Variants in ANO10 observed in about 807,000 individuals in gnomAD.
The protein encoded by ANO10 is anoctamin 10.
A neutral mutation model predicts 74.7 loss-of-function variants in ANO10; 77 were observed. The ratio of observed to expected loss-of-function variants is 1.03; its 90% CI spans 0.86 to 1.25. ANO10 has a LOEUF of 1.25. Ranked by LOEUF, ANO10 falls within the 50% of genes most tolerant of loss-of-function variation. The probability of loss-of-function intolerance (pLI) is 0.00; values close to 1 mark genes in which losing one functional copy is unlikely to be tolerated. For synonymous variants in ANO10, 279 were observed against 284.9 expected (o/e 0.98, Z 0.21); for missense variants, 721 against 778.1 (o/e 0.93, Z 0.87).
chr3:43,394,075 T>C (rs1327576843), intron 12 of ANO10, among the ~76,000 whole-genome samples: 3 of 152,120 alleles, frequency 2.0e-5, no homozygotes, highest in African/African-American at 4.8e-5. Context: ...TGCATGAGAA[T>C]TGGGGGAAGT....
chr3:43,678,979 T>G (rs1229977895), intron 1 of ANO10, among the ~76,000 whole-genome samples: 1 of 152,220 alleles, frequency 6.6e-6, no homozygotes, highest in East Asian at 1.9e-4. Flanking sequence ...GATGGCTGAA[T>G]AGGAACAGCT....
intron 1 of ANO10, among the ~76,000 whole-genome samples, chr3:43,673,974 G>T (rs58260401): frequency 0.11 from 16,170 of 152,082 alleles, 1,250 homozygotes; most frequent in South Asian, 0.23. Context: ...AGTCACATAC[G>T]TCCAGAAAAG....
At chr3:43,401,229 G>C (rs1272840547) in intron 12 of ANO10, among the ~76,000 whole-genome samples, 1 of 152,134 alleles carries the variant, frequency 6.6e-6, no homozygotes, top group Non-Finnish European at 1.5e-5. Context: ...GGACGTGCTA[G>C]GGTGATGTAC....
intron 11 of ANO10, among the ~76,000 whole-genome samples, chr3:43,503,862 T>C (rs1279519637): frequency 6.6e-6 from 1 of 152,182 alleles, no homozygotes; most frequent in Non-Finnish European, 1.5e-5. Flanking sequence ...ATTTTTATGA[T>C]TTGAAGGCTG....
At chr3:43,673,163 G>A (rs2084080394) in intron 1 of ANO10, among the ~76,000 whole-genome samples, 1 of 152,176 alleles carries the variant, frequency 6.6e-6, no homozygotes, top group Admixed American at 6.5e-5. Context: ...CATCCCTGCA[G>A]AGCTAAGGCT....
At chr3:43,580,622 T>G (rs993045333) in intron 4 of ANO10, 150 bp from the exon 5 acceptor site, 2 of 939,100 alleles carry the variant, frequency 2.1e-6, no homozygotes, top group Non-Finnish European at 3.2e-6. Context: ...ATTCTTTCAT[T>G]TTTCAGAATG....
intron 1 of ANO10, among the ~76,000 whole-genome samples, chr3:43,612,143 TATATATATATATATA>T (rs2082856564): frequency 2.8e-4 from 4 of 14,480 alleles, no homozygotes; most frequent in African/African-American, 2.0e-3. Context: ...AAATATTTTA[TATATATATATATATA>T]TATATATATA....
chr3:43,633,895 A>C (rs1229276714), intron 1 of ANO10, among the ~76,000 whole-genome samples: 1 of 142,802 alleles, frequency 7.0e-6, no homozygotes, highest in Non-Finnish European at 1.5e-5. Flanking sequence ...CATCGTAGCT[A>C]AAAAAAAAAA....
Position 43,600,511 on chromosome 3 carries a change from A to G in ANO10, c.210T>C (p.Tyr70=), listed in dbSNP as rs765828261. ...EQETLENQNL[Y]LVGASKIRML... ...TTCTAATCTTGGAGGCACCAACAAG[A>G]TATAAGTTCTGATTTTCTAGTGTTT... Residue 70 remains tyrosine, a synonymous_variant, in exon 3 of 13, where the codon TAT becomes TAC. Coordinates refer to ENST00000292246, the MANE Select transcript of ANO10 (RefSeq NM_018075.5). The G allele has an allele frequency of 1.2e-6, 2 of 1,614,012 alleles. No individual in the cohort carries two copies. Among genetic ancestry groups the G allele is most frequent in the East Asian group, 2.2e-5 (1 of 44,862 alleles).
chr3:43,501,076 G>A (rs558036569), intron 11 of ANO10, among the ~76,000 whole-genome samples: 15 of 152,190 alleles, frequency 9.9e-5, no homozygotes, highest in Non-Finnish European at 1.9e-4. Flanking sequence ...CTGAGGCTGG[G>A]TAATCTATAA....
chr3:43,557,526 G>A (rs1416475891), intron 9 of ANO10, among the ~76,000 whole-genome samples: 2 of 151,584 alleles, frequency 1.3e-5, no homozygotes, highest in Admixed American at 6.6e-5. Flanking sequence ...ACGAGGTCAG[G>A]AGATTGAGAC....
intron 1 of ANO10, among the ~76,000 whole-genome samples, chr3:43,627,195 A>G (rs1252585454): frequency 6.6e-6 from 1 of 152,216 alleles, no homozygotes; most frequent in Non-Finnish European, 1.5e-5. Context: ...ACCACTTCCA[A>G]TACCAAACTT....
At chr3:43,475,353 C>T (rs2076025687) in intron 11 of ANO10, among the ~76,000 whole-genome samples, 1 of 151,964 alleles carries the variant, frequency 6.6e-6, no homozygotes, top group African/African-American at 2.4e-5. Flanking sequence ...TCAAGGTCTC[C>T]CCACCCAAAG....
chr3:43,413,612 A>T (rs373430299), intron 12 of ANO10, among the ~76,000 whole-genome samples: 1 of 148,904 alleles, frequency 6.7e-6, no homozygotes, highest in Non-Finnish European at 1.5e-5. Flanking sequence ...AGCCAATTAA[A>T]CCTCTTTTCT....
intron 1 of ANO10, among the ~76,000 whole-genome samples, chr3:43,665,666 C>T (rs916248003): frequency 6.6e-6 from 1 of 152,164 alleles, no homozygotes; most frequent in Non-Finnish European, 1.5e-5. Context: ...TTTCTAAAAA[C>T]ATATTGCTCC....
intron 4 of ANO10, among the ~76,000 whole-genome samples, chr3:43,584,752 GGTATCTACTTAATGAAAGC>G (rs1163424717): frequency 9.6e-4 from 146 of 152,182 alleles, no homozygotes; most frequent in African/African-American, 3.3e-3. Context: ...GACAAAACTT[GGTATCTACTTAATGAAAGC>G]GTTCTATCAA....
chr3:43,519,723 T>C (rs1027574344), intron 11 of ANO10, among the ~76,000 whole-genome samples: 3 of 152,178 alleles, frequency 2.0e-5, no homozygotes, highest in Admixed American at 2.0e-4. Context: ...GGAGAGATCA[T>C]CATGGTCTCG....
intron 10 of ANO10, among the ~76,000 whole-genome samples, chr3:43,554,186 CTTTTTTTT>C (rs58374632): frequency 7.8e-6 from 1 of 128,724 alleles, no homozygotes; most frequent in South Asian, 2.5e-4. Context: ...AGTGATTTTT[CTTTTTTTT>C]TTTTTTTTTC....
At chr3:43,650,055 C>A (rs2083771067) in intron 1 of ANO10, among the ~76,000 whole-genome samples, 1 of 152,212 alleles carries the variant, frequency 6.6e-6, no homozygotes, top group Non-Finnish European at 1.5e-5. Context: ...TTGCAAGCGT[C>A]TTTTTGCAGA....
Sources: allele counts gnomAD v4.1 joint callset (sites outside exome capture counted in the v4.1 genomes callset), GRCh38; gene constraint gnomAD v4.1.1; transcripts MANE v1.5; gene names NCBI Gene and HGNC (gene_info 2026-07-23, HGNC 2026-07-21).